Variants in FHIT observed in about 807,000 individuals in gnomAD.
The protein encoded by FHIT is bis(5'-adenosyl)-triphosphatase.
FHIT carries 19 observed loss-of-function variants against 17.9 expected under a neutral mutation model. The ratio of observed to expected loss-of-function variants is 1.06; its 90% CI spans 0.74 to 1.56. The LOEUF is 1.56. Ranked by LOEUF, FHIT falls within the 40% of genes most tolerant of loss-of-function variation. FHIT has a pLI of 0.00. For synonymous variants in FHIT, 81 were observed against 69.7 expected (o/e 1.16, Z -0.81); for missense variants, 248 against 189.2 (o/e 1.31, Z -1.82).
intron 5 of FHIT, among the ~76,000 whole-genome samples, chr3:60,245,854 G>T (rs1352899107): frequency 6.6e-6 from 1 of 151,778 alleles, no homozygotes; most frequent in African/African-American, 2.4e-5. Flanking sequence ...GCATTAACAA[G>T]AACTGGAAAA....
intron 2 of FHIT, among the ~76,000 whole-genome samples, chr3:61,079,221 G>A (rs770298324): frequency 3.9e-5 from 6 of 152,146 alleles, no homozygotes; most frequent in Non-Finnish European, 7.4e-5. Flanking sequence ...GATGGCTGAG[G>A]CTTTACCACC....
At chr3:60,962,150 T>C (rs2107500137) in intron 3 of FHIT, among the ~76,000 whole-genome samples, 1 of 152,366 alleles carries the variant, frequency 6.6e-6, no homozygotes, top group African/African-American at 2.4e-5. Flanking sequence ...TTCCCATCTC[T>C]TGTAAATTGG....
chr3:59,753,420 A>T (rs766457027), intron 8 of FHIT, among the ~76,000 whole-genome samples: 29 of 152,286 alleles, frequency 1.9e-4, no homozygotes, highest in Non-Finnish European at 3.5e-4. Flanking sequence ...TACAATTTCA[A>T]TTCTATCAGA....
intron 8 of FHIT, among the ~76,000 whole-genome samples, chr3:59,846,610 A>G (rs1165359016): frequency 6.6e-6 from 1 of 152,188 alleles, no homozygotes; most frequent in Non-Finnish European, 1.5e-5. Flanking sequence ...GTGGAATTAC[A>G]TACCATGTTA....
At chr3:60,788,242 G>T (rs1553727504) in intron 4 of FHIT, among the ~76,000 whole-genome samples, 1 of 152,138 alleles carries the variant, frequency 6.6e-6, no homozygotes, top group Non-Finnish European at 1.5e-5. Context: ...AGTGCACTAT[G>T]ATTGCACCAC....
intron 5 of FHIT, among the ~76,000 whole-genome samples, chr3:60,348,451 T>C (rs1177223610): frequency 4.6e-5 from 7 of 152,342 alleles, no homozygotes; most frequent in African/African-American, 1.7e-4. Flanking sequence ...GGGTTTTTTT[T>C]TCACAAAGAA....
chr3:59,753,851 C>G (rs1013371920), intron 8 of FHIT, among the ~76,000 whole-genome samples: 1 of 152,132 alleles, frequency 6.6e-6, no homozygotes, highest in African/African-American at 2.4e-5. Flanking sequence ...GTATTATCCC[C>G]AACAACTTTT....
chr3:60,286,164 C>T (rs1707718841), intron 5 of FHIT, among the ~76,000 whole-genome samples: 1 of 152,196 alleles, frequency 6.6e-6, no homozygotes, highest in Non-Finnish European at 1.5e-5. Context: ...ACAGACTCCA[C>T]CTCCTGATAG....
At chr3:60,401,404 G>C (rs1701651833) in intron 5 of FHIT, among the ~76,000 whole-genome samples, 1 of 152,142 alleles carries the variant, frequency 6.6e-6, no homozygotes, top group South Asian at 2.1e-4. Flanking sequence ...CTTACTGTTA[G>C]GTTCGGCCAG....
Position 60,378,498 on chromosome 3 carries a change from A to G in FHIT, c.103+158362T>C, listed in dbSNP as rs1455623387. ...TTCTTCTCAGAGTAGATCTAGAGAC[A>G]TTTAAATTAATCATTTGGAGGTTGA... On this transcript the variant is annotated intron_variant, in intron 5 of 9. Coordinates refer to ENST00000492590, the MANE Select transcript of FHIT (RefSeq NM_002012.4). 3.3e-5 allele frequency among the ~76,000 whole-genome samples: 5 copies of G among 152,284 alleles called. No individual in the cohort carries two copies. The East Asian group carries it at 9.7e-4, about 29-fold the overall frequency.
At chr3:60,590,812 T>G (rs557444480) in intron 4 of FHIT, among the ~76,000 whole-genome samples, 2 of 152,182 alleles carry the variant, frequency 1.3e-5, no homozygotes, top group East Asian at 3.9e-4. Flanking sequence ...CCAACTGAAC[T>G]GATGACTTAA....
chr3:60,673,259 C>G (rs2107846284), intron 4 of FHIT, among the ~76,000 whole-genome samples: 1 of 152,218 alleles, frequency 6.6e-6, no homozygotes, highest in East Asian at 1.9e-4. Flanking sequence ...TTTAACATTT[C>G]TTATAATGCG....
At chr3:60,492,844 A>G (rs77774356) in intron 5 of FHIT, among the ~76,000 whole-genome samples, 2 of 152,148 alleles carry the variant, frequency 1.3e-5, no homozygotes, top group African/African-American at 2.4e-5. Context: ...CCATGTGCAC[A>G]AAAGATTTAG....
At chr3:60,071,259 G>A (rs1305277855) in intron 5 of FHIT, among the ~76,000 whole-genome samples, 1 of 152,150 alleles carries the variant, frequency 6.6e-6, no homozygotes, top group South Asian at 2.1e-4. Context: ...AACAGAAGGT[G>A]AAAGAATCCT....
intron 5 of FHIT, among the ~76,000 whole-genome samples, chr3:60,167,082 C>CT (rs374234149): frequency 6.6e-5 from 10 of 152,182 alleles, no homozygotes; most frequent in African/African-American, 2.4e-4. Context: ...GGAGTCTTCA[C>CT]TTTCATCAGA....
At chr3:60,473,292 T>C (rs1461667829) in intron 5 of FHIT, among the ~76,000 whole-genome samples, 1 of 152,124 alleles carries the variant, frequency 6.6e-6, no homozygotes, top group African/African-American at 2.4e-5. Context: ...AAGCACTTAA[T>C]TTGCATGAGC....
At chr3:60,224,789 G>A (rs114698151) in intron 5 of FHIT, among the ~76,000 whole-genome samples, 5,149 of 151,786 alleles carry the variant, frequency 0.034, 268 homozygotes, top group African/African-American at 0.11. Flanking sequence ...GCAGTGTGTG[G>A]TCTTGGCTGA....
intron 1 of FHIT, among the ~76,000 whole-genome samples, chr3:61,250,727 A>C (rs1385773601): frequency 6.6e-6 from 1 of 152,072 alleles, no homozygotes; most frequent in Non-Finnish European, 1.5e-5. Flanking sequence ...ACCATAAAAT[A>C]AGTGTAAGAA....
chr3:60,302,705 C>A (rs983446487), intron 5 of FHIT, among the ~76,000 whole-genome samples: 2 of 152,160 alleles, frequency 1.3e-5, no homozygotes, highest in South Asian at 4.1e-4. Context: ...TGACGTCTAA[C>A]ACATATACCT....
Sources: gnomAD v4.1 joint callset for allele counts (sites outside exome capture counted in the v4.1 genomes callset) on GRCh38, gnomAD v4.1.1 for gene constraint, MANE v1.5 for transcripts, NCBI Gene and HGNC (gene_info 2026-07-23, HGNC 2026-07-21) for gene names.